Variants in GOLGA8S observed in about 807,000 individuals in gnomAD.
The protein encoded by GOLGA8S is golgin subfamily A member 8S.
GOLGA8S carries 23 observed loss-of-function variants against 58.9 expected under a neutral mutation model. That is an observed-to-expected ratio of 0.39 (90% CI 0.28 to 0.55). GOLGA8S has a LOEUF of 0.55. Ranked by LOEUF, GOLGA8S falls within the 20% of genes least tolerant of loss-of-function variation. The pLI, the probability that GOLGA8S is intolerant of heterozygous loss-of-function variation, is 0.63. For synonymous variants in GOLGA8S, 84 were observed against 195.7 expected, an observed-to-expected ratio of 0.43 and a Z score of 4.76; for missense variants, 266 against 514.2, an observed-to-expected ratio of 0.52 and a Z score of 4.67.
At chr15:23,367,827 G>C (rs991382354), downstream of GOLGA8S, among the ~76,000 whole-genome samples, 2 of 151,650 alleles carry the variant, frequency 1.3e-5, no homozygotes, top group African/African-American at 4.8e-5. Flanking sequence ...TCTGTAGGAA[G>C]AATCAAAACA....
At chr15:23,355,021 C>A in intron 1 of GOLGA8S, 128 bp downstream of exon 1, 1 of 392,300 alleles carries the variant, frequency 2.5e-6, no homozygotes. Flanking sequence ...TGCCTCTGGG[C>A]TACCCCCACC....
At position 23,360,831 on chromosome 15, in the gene GOLGA8S, C is replaced by T. The variant is rs766242666; in HGVS notation, c.874+16C>T. The T allele has an allele frequency of 2.2e-5, 30 of 1,391,098 alleles. No individual in the cohort carries two copies. Among genetic ancestry groups the T allele is most frequent in the Admixed American group, 8.4e-5 (5 of 59,508 alleles). The allele number at this position is 1,391,098 out of a possible 1,614,324, so 86.2% of individuals were successfully genotyped here. A position where few individuals can be genotyped will look rare whatever the true frequency, so the allele number is the denominator to read the frequency against. On this transcript the variant is annotated intron_variant, in intron 11 of 18. Transcript: ENST00000562295. The stretch of plus-strand genomic sequence containing the variant: ...AACCAGATGGGTAAGATGGGGCTGG[C>T]GTGACCTGGCAGCAGGACTGGCATC...
In GOLGA8S at chr15:23,361,225, A is replaced by T. The variant is rs1596016805; in HGVS notation, c.879A>T (p.Glu293Asp). 4.1e-6 allele frequency: 6 copies of T among 1,464,882 alleles called. 1 individual carries two copies. The highest frequency in any genetic ancestry group is 3.8e-6 in the Non-Finnish European group (4 of 1,061,974). The allele number at this position is 1,464,882 out of a possible 1,614,324, so 90.7% of individuals were successfully genotyped here. Reference sequence around the variant, plus strand: ...ATTGTCTGCTTCCTTTCTCAGCTGAACCTCTGCCCCCGGAGCCCCCAGCAG... The same window carrying T: ...ATTGTCTGCTTCCTTTCTCAGCTGATCCTCTGCCCCCGGAGCCCCCAGCAG... The change falls in exon 12 of 19, where the codon GAA becomes GAT. Residue 293 changes from glutamate to aspartate, a missense_variant. This residue lies in a region of GOLGA8S where 114 missense variants were observed against 120.7 expected (regional missense o/e 0.94). Coordinates refer to ENST00000562295, the Ensembl canonical transcript of GOLGA8S.
intron 8 of GOLGA8S, among the ~76,000 whole-genome samples, chr15:23,359,937 C>T (rs1428813626): frequency 6.7e-6 from 1 of 149,098 alleles, no homozygotes; most frequent in African/African-American, 2.5e-5. Flanking sequence ...AATGGGATTG[C>T]TAGCATGGTA....
In GOLGA8S at chr15:23,357,766, C is replaced by T. The variant is rs866807399; in HGVS notation, c.309+147C>T. On this transcript the variant is annotated intron_variant, in intron 4 of 18. Transcript: ENST00000562295. ...GCCCAGGCCTCACCTGGAGGGACCC[C>T]GGAGCATGCAGCATGGCTCTTTTTT... 5.0e-5 allele frequency: 28 copies of T among 560,108 alleles called. 2 individuals are homozygous for T. The highest frequency in any genetic ancestry group is 5.3e-4 in the Middle Eastern group (1 of 1,892). The allele number at this position is 560,108 out of a possible 1,614,324, so 34.7% of individuals were successfully genotyped here. A position where few individuals can be genotyped will look rare whatever the true frequency, so the allele number is the denominator to read the frequency against.
intron 8 of GOLGA8S, among the ~76,000 whole-genome samples, 181 bp downstream of exon 8, chr15:23,359,390 T>A (rs200978535): frequency 7.0e-6 from 1 of 142,388 alleles, no homozygotes; most frequent in African/African-American, 2.6e-5. Flanking sequence ...GTGGGTGAGT[T>A]GGGGGGCACT....
chr15:23,360,616 A>C, intron 10 of GOLGA8S, 84 bp downstream of exon 10: 1 of 1,227,418 alleles, frequency 8.1e-7, no homozygotes, highest in Non-Finnish European at 1.2e-6. Flanking sequence ...TAGTAGAGCC[A>C]GAGGTGGTCA....
chr15:23,357,455 CACA>C (rs1284937241), intron 3 of GOLGA8S, 81 bp from the exon 4 acceptor site: 1 of 1,516,696 alleles, frequency 6.6e-7, no homozygotes, highest in Non-Finnish European at 8.9e-7. Context: ...TGAGACAGTC[CACA>C]CACACCCCAG....
intron 15 of GOLGA8S, 41 bp from the exon 16 acceptor site, chr15:23,364,302 C>A: frequency 5.0e-6 from 8 of 1,595,658 alleles, no homozygotes; most frequent in Non-Finnish European, 6.8e-6. Context: ...CACCTGAGGG[C>A]AGGTCGCTGC....
At position 23,364,514 on chromosome 15, in the gene GOLGA8S, G is replaced by T. The variant is rs748490363; in HGVS notation, c.1449-12G>T. The T allele has an allele frequency of 2.8e-5, 45 of 1,603,542 alleles. 1 individual carries two copies. Among genetic ancestry groups the T allele is most frequent in the Non-Finnish European group, 3.6e-5 (42 of 1,178,910 alleles). ...GGAGGGGCCCCAGCGTCTGAGCCCT[G>T]TCCTCCCGCAGGAAAATCCATCACC... On this transcript the variant is annotated splice_polypyrimidine_tract_variant and intron_variant, in intron 16 of 18. Coordinates refer to ENST00000562295, the Ensembl canonical transcript of GOLGA8S.
At chr15:23,364,160 C>A (rs1015976942) in intron 15 of GOLGA8S, among the ~76,000 whole-genome samples, 183 bp from the exon 16 acceptor site, 2 of 124,170 alleles carry the variant, frequency 1.6e-5, no homozygotes, top group African/African-American at 5.3e-5. Flanking sequence ...CCAGAGGCAG[C>A]CAGAGGCCCT....
At chr15:23,360,687 G>A (rs1433950740) in intron 10 of GOLGA8S, 41 bp from the exon 11 acceptor site, 18 of 1,161,222 alleles carry the variant, frequency 1.6e-5, no homozygotes, top group Non-Finnish European at 2.2e-5. Context: ...CCAGCCTCCA[G>A]CCCCTCTCTC....
chr15:23,362,845 G>A, intron 13 of GOLGA8S, among the ~76,000 whole-genome samples: 1 of 141,002 alleles, frequency 7.1e-6, no homozygotes, highest in Admixed American at 6.9e-5. Flanking sequence ...AGGTGGAGCT[G>A]AAGAGCCAAG....
downstream of GOLGA8S, among the ~76,000 whole-genome samples, chr15:23,367,932 C>T (rs946967768): frequency 2.0e-5 from 3 of 151,746 alleles, no homozygotes; most frequent in African/African-American, 2.4e-5. Context: ...AGCTCTAAAA[C>T]GAAAGCTGAT....
chr15:23,361,404 A>G (rs2069800259), exon 12 of GOLGA8S: 1 of 977,222 alleles, frequency 1.0e-6, no homozygotes, highest in Non-Finnish European at 1.6e-6. Flanking sequence ...CTTCCAGAGC[A>G]GGAGGAGAGG....
downstream of GOLGA8S, chr15:23,365,410 C>T (rs987023757): frequency 5.8e-5 from 33 of 570,730 alleles, no homozygotes; most frequent in African/African-American, 5.7e-4. Context: ...TTTGCCCTTA[C>T]GTGGTGGGGG....
At chr15:23,364,372 G>A in exon 16 of GOLGA8S, 1 of 1,603,148 alleles carries the variant, frequency 6.2e-7, no homozygotes, top group Non-Finnish European at 8.5e-7. Context: ...TGGAGGAGAA[G>A]GCAGACCTGA....
At chr15:23,365,556 T>C (rs1230446829), downstream of GOLGA8S, 3 of 295,292 alleles carry the variant, frequency 1.0e-5, 1 homozygote, top group Admixed American at 5.0e-5. Flanking sequence ...TGTTCTGCTG[T>C]TGTTTGATCT....
At chr15:23,366,294 C>T (rs2069921055), downstream of GOLGA8S, 1 of 150,922 alleles carries the variant, frequency 6.6e-6, no homozygotes, top group South Asian at 2.2e-4. Flanking sequence ...ATTTTACCAT[C>T]TAGACCTCTT....
Sources: gnomAD v4.1 joint callset for allele counts (sites outside exome capture counted in the v4.1 genomes callset) on GRCh38, gnomAD v4.1.1 for gene constraint, gnomAD v4.1.1 regional missense constraint, MANE v1.5 for transcripts, NCBI Gene and HGNC (gene_info 2026-07-23, HGNC 2026-07-21) for gene names.